KLHL26: variants seen among roughly 807,000 people sequenced by gnomAD.
KLHL26 encodes kelch like family member 26.
In KLHL26, 4 loss-of-function variants were observed where a neutral mutation model predicts 7.1. The observed-to-expected ratio is 0.56, with a 90% CI of 0.28 to 1.28. KLHL26 has a LOEUF of 1.28. Among genes scored for constraint, KLHL26 ranks in the 50% most tolerant of loss-of-function variants. The pLI, the probability that KLHL26 is intolerant of heterozygous loss-of-function variation, is 0.11. For missense variants in KLHL26, 896 were observed against 924.6 expected (o/e 0.97, Z 0.40); for synonymous variants, 465 against 414.1 (o/e 1.12, Z -1.49).
At chr19:18,638,300 CT>C (rs1976654083) in intron 1 of KLHL26, among the ~76,000 whole-genome samples, 1 of 152,190 alleles carries the variant, frequency 6.6e-6, no homozygotes, top group Non-Finnish European at 1.5e-5. Flanking sequence ...TGATTTGGTA[CT>C]GAATGGAACA....
intron 1 of KLHL26, among the ~76,000 whole-genome samples, chr19:18,641,710 C>A (rs1334920928): frequency 2.0e-5 from 3 of 150,838 alleles, no homozygotes; most frequent in African/African-American, 7.3e-5. Context: ...CTCACTGCAA[C>A]CTCTGCCTCC....
intron 1 of KLHL26, among the ~76,000 whole-genome samples, chr19:18,637,584 G>C: frequency 6.6e-6 from 1 of 151,970 alleles, no homozygotes; most frequent in Non-Finnish European, 1.5e-5. Context: ...AGGGCCCCAA[G>C]GTGGCTAAAG....
At chr19:18,658,797 G>T (rs550848893) in intron 1 of KLHL26, among the ~76,000 whole-genome samples, 1 of 133,084 alleles carries the variant, frequency 7.5e-6, no homozygotes, top group East Asian at 2.4e-4. Flanking sequence ...CTCTCTCTGG[G>T]TTTTTTTCTC....
intron 2 of KLHL26, among the ~76,000 whole-genome samples, chr19:18,665,182 G>A (rs767022016): frequency 1.3e-5 from 2 of 151,180 alleles, no homozygotes; most frequent in East Asian, 2.0e-4. Flanking sequence ...TCAGCCTCCC[G>A]AGTAGCTGGG....
rs1018965344 is a variant in KLHL26, at chr19:18,656,436, T to G, written c.84-7825T>G. The stretch of plus-strand genomic sequence containing the variant: ...TTGGCGTCCCTGGCCGTCACTTGGC[T>G]GTCTGGGGGTGCCAGCCCTGGGTAC... On this transcript the variant is annotated intron_variant, in intron 1 of 2. Transcript: ENST00000300976. This position sits in a 1 kb window ranked among gnomAD's most constrained non-coding sequence, Gnocchi z 4.4. Among the ~76,000 whole-genome samples, 1 of 137,028 alleles carries G rather than the reference T, an allele frequency of 7.3e-6. No individual in the cohort carries two copies. The highest frequency in any genetic ancestry group is 2.3e-4 in the South Asian group (1 of 4,394). 89.9% of individuals were successfully genotyped at this position (137,028 alleles called of 152,430 possible).
Position 18,637,050 on chromosome 19 carries a change from G to T in KLHL26, c.-5G>T. 7.4e-7 allele frequency: 1 copy of T among 1,351,912 alleles called. No homozygotes were observed. The highest frequency in any genetic ancestry group is 1.8e-5 in the South Asian group (1 of 57,054). 83.7% of individuals were successfully genotyped at this position (1,351,912 alleles called of 1,614,324 possible). Reference sequence around the variant, plus strand: ...GTCACTCGAACGCGCGACGGCGGGGGGAAGATGGCGGAGTCCGGCGGTAGC... The same window carrying T: ...GTCACTCGAACGCGCGACGGCGGGGTGAAGATGGCGGAGTCCGGCGGTAGC... On this transcript the variant is annotated 5_prime_UTR_variant, in exon 1 of 3. Coordinates refer to ENST00000300976, the MANE Select transcript of KLHL26 (RefSeq NM_018316.3).
At chr19:18,659,596 A>G (rs535464590) in intron 1 of KLHL26, 6 of 152,140 alleles carry the variant, frequency 3.9e-5, no homozygotes, top group Non-Finnish European at 8.8e-5. Flanking sequence ...GGGGTGGGAA[A>G]GGATTTTACA....
intron 1 of KLHL26, among the ~76,000 whole-genome samples, chr19:18,644,132 T>A (rs1242625899): frequency 6.6e-6 from 1 of 152,214 alleles, no homozygotes; most frequent in Admixed American, 6.5e-5. Flanking sequence ...CTATCCGTTT[T>A]CAAGTTTTAT....
chr19:18,642,225 G>A (rs934633492), intron 1 of KLHL26, among the ~76,000 whole-genome samples: 13 of 152,040 alleles, frequency 8.6e-5, no homozygotes, highest in Non-Finnish European at 2.9e-5. Context: ...GCCTCAACCT[G>A]CCCACGTCTC....
chr19:18,645,146 G>A (rs917074421), intron 1 of KLHL26, among the ~76,000 whole-genome samples: 2 of 152,156 alleles, frequency 1.3e-5, no homozygotes, highest in Non-Finnish European at 2.9e-5. Flanking sequence ...AGAGGAGGTG[G>A]GGTCCTTGCT....
At position 18,649,497 on chromosome 19, in the gene KLHL26, C is replaced by A. The variant is rs1309838876; in HGVS notation, c.83+12360C>A. Among the ~76,000 whole-genome samples the A allele has an allele frequency of 2.6e-5, 4 of 152,232 alleles. No individual in the cohort carries two copies. The highest frequency in any genetic ancestry group is 1.5e-5 in the Non-Finnish European group (1 of 68,038). Reference sequence around the variant, plus strand: ...GTTGTCAGTAAACCAGCCCTGTTACCTGTTACAGAGCCCAGGGCACCATAC... The same window carrying A: ...GTTGTCAGTAAACCAGCCCTGTTACATGTTACAGAGCCCAGGGCACCATAC... On this transcript the variant is annotated intron_variant, in intron 1 of 2. Transcript: ENST00000300976. The surrounding 1 kb of genome is among the most constrained non-coding windows in gnomAD (Gnocchi z 4.0).
rs554063112 is a variant in KLHL26 at position 18,670,139 on chromosome 19, C to G, written c.*894C>G. The G allele has an allele frequency of 6.6e-6, 1 of 152,272 alleles. No homozygotes were observed. The highest frequency in any genetic ancestry group is 2.1e-4 in the South Asian group (1 of 4,832). 9.4% of individuals were successfully genotyped at this position (152,272 alleles called of 1,614,324 possible). The stretch of plus-strand genomic sequence containing the variant: ...TTTTTTCTCCTCCCTCCTTTCCACC[C>G]CTCCGCGCCCTGCCACTCCCTGGCC... On this transcript the variant is annotated 3_prime_UTR_variant, in exon 3 of 3. Coordinates refer to ENST00000300976, the MANE Select transcript of KLHL26 (RefSeq NM_018316.3).
chr19:18,656,522 CA>C lies in KLHL26; in HGVS notation c.84-7738del, dbSNP rs1169699843. Reference sequence around the variant, plus strand: ...CTCCTGTCATTCTGTCCCCACCCAGCAGGCACAGACAGGCTGAAGCCAAGGA... The same window carrying C: ...CTCCTGTCATTCTGTCCCCACCCAGCGGCACAGACAGGCTGAAGCCAAGGA... On this transcript the variant is annotated intron_variant, in intron 1 of 2. Coordinates refer to ENST00000300976, the MANE Select transcript of KLHL26 (RefSeq NM_018316.3). This position sits in a 1 kb window ranked among gnomAD's most constrained non-coding sequence, Gnocchi z 4.4. 6.6e-6 allele frequency among the ~76,000 whole-genome samples: 1 copy of C among 152,154 alleles called. No homozygotes were observed. Among genetic ancestry groups the C allele is most frequent in the Non-Finnish European group, 1.5e-5 (1 of 68,038 alleles).
Position 18,646,175 on chromosome 19 carries a change from G to A in KLHL26, c.83+9038G>A, listed in dbSNP as rs925032297. Among the ~76,000 whole-genome samples the A allele has an allele frequency of 2.0e-5, 3 of 152,084 alleles. No individual in the cohort carries two copies. Among genetic ancestry groups the A allele is most frequent in the Non-Finnish European group, 4.4e-5 (3 of 68,006 alleles). On this transcript the variant is annotated intron_variant, in intron 1 of 2. Transcript: ENST00000300976. This position sits in a 1 kb window ranked among gnomAD's most constrained non-coding sequence, Gnocchi z 5.0. ...CGTCACTCTGAGCTCAGGCTGGAGTGCAGTGGCATGATTTTGGCTCACTGC... is the reference window on the plus strand; with the variant it reads ...CGTCACTCTGAGCTCAGGCTGGAGTACAGTGGCATGATTTTGGCTCACTGC...
Position 18,668,680 on chromosome 19 carries a change from C to T in KLHL26, c.1283C>T (p.Ala428Val), listed in dbSNP as rs766702905. 53 of 1,574,946 alleles carry T rather than the reference C, an allele frequency of 3.4e-5. No individual in the cohort carries two copies. Among genetic ancestry groups the T allele is most frequent in the Non-Finnish European group, 3.9e-5 (46 of 1,164,850 alleles). The change falls in exon 3 of 3, where the codon GCC becomes GTC. Residue 428 changes from alanine (A) to valine (V), a missense_variant. By Grantham distance (64) the Ala-to-Val change is moderately conservative (BLOSUM62 0). Transcript: ENST00000300976. The part of the protein sequence containing the change: ...TGGRNRAGSL[A>V]SVERYCPRRN... ...GGCCGCAACCGAGCCGGCAGCCTGG[C>T]CTCCGTGGAGCGGTACTGCCCCCGG...
intron 2 of KLHL26, among the ~76,000 whole-genome samples, chr19:18,667,144 T>C (rs2052456075): frequency 3.6e-5 from 4 of 110,360 alleles, no homozygotes; most frequent in South Asian, 5.8e-4. Flanking sequence ...ATTCAAAATC[T>C]TTTTTTTTTT....
At position 18,668,911 on chromosome 19, in the gene KLHL26, G is replaced by T. The variant is rs780069332; in HGVS notation, c.1514G>T (p.Gly505Val). The T allele has an allele frequency of 1.2e-6, 2 of 1,605,044 alleles. No individual in the cohort carries two copies. The highest frequency in any genetic ancestry group is 4.5e-5 in the East Asian group (2 of 44,880). Residue 505 changes from glycine (G) to valine (V), a missense_variant, in exon 3 of 3, where the codon GGT (glycine) becomes GTT (valine). Gly to Val is a moderately radical substitution (Grantham distance 109). Transcript: ENST00000300976. The stretch of plus-strand genomic sequence containing the variant: ...CCCCGCGTGCTACACGCCATGGTGG[G>T]TGCCGGCGGCCGCATCTATGCCCTC... ...SEPRVLHAMV[G>V]AGGRIYALGG...
chr19:18,666,336 G>A (rs75761079), intron 2 of KLHL26, among the ~76,000 whole-genome samples: 121 of 152,222 alleles, frequency 7.9e-4, no homozygotes, highest in African/African-American at 2.8e-3. Context: ...GGCCTCTGTG[G>A]GTCAAATGCA....
In KLHL26 at chr19:18,668,847, G is replaced by A; in HGVS notation, c.1450G>A (p.Val484Met). ...DKKALHCYDP[V>M]ADQWEFKAPM... ...GAAGGCCCTGCACTGCTACGACCCC[G>A]TGGCCGACCAGTGGGAGTTCAAGGC... Residue 484 changes from valine to methionine, a missense_variant, in exon 3 of 3, where the codon GTG (valine) becomes ATG (methionine). Transcript: ENST00000300976. 1.3e-6 allele frequency: 2 copies of A among 1,592,392 alleles called. No individual in the cohort carries two copies. The highest frequency in any genetic ancestry group is 1.7e-6 in the Non-Finnish European group (2 of 1,175,174).
Sources: gnomAD v4.1 joint callset for allele counts (sites outside exome capture counted in the v4.1 genomes callset) on GRCh38, gnomAD v4.1.1 for gene constraint, Gnocchi (gnomAD v3.1) non-coding constraint, MANE v1.5 for transcripts, NCBI Gene and HGNC (gene_info 2026-07-23, HGNC 2026-07-21) for gene names.